The following PCDHGA6 variants were observed in gnomAD, a reference collection of about 807,000 sequenced individuals.
PCDHGA6 encodes the protein protocadherin gamma subfamily A, 6.
Under a neutral mutation model 60.6 loss-of-function variants are expected in PCDHGA6, and 41 were observed. That is an observed-to-expected ratio of 0.68 (90% CI 0.53 to 0.88). The LOEUF (loss-of-function observed/expected upper bound fraction) is 0.88. Ranked by LOEUF, PCDHGA6 falls within the 40% of genes least tolerant of loss-of-function variation. The pLI is 0.00. For missense variants in PCDHGA6, 1,312 were observed against 1,203.0 expected, an observed-to-expected ratio of 1.09 and a Z score of -1.34; for synonymous variants, 594 against 524.4, an observed-to-expected ratio of 1.13 and a Z score of -1.81.
At chr5:141,482,606 T>G (rs2099569173) in intron 1 of PCDHGA6, among the ~76,000 whole-genome samples, 1 of 146,712 alleles carries the variant, frequency 6.8e-6, no homozygotes, top group African/African-American at 2.6e-5. Context: ...AAAAAACACC[T>G]AAATGAGCCT....
chr5:141,507,632 G>A (rs551849213), intron 3 of PCDHGA6, among the ~76,000 whole-genome samples: 6 of 152,360 alleles, frequency 3.9e-5, no homozygotes, highest in Non-Finnish European at 7.3e-5. Flanking sequence ...GTGGCCTTGC[G>A]CCCTGAGGCC....
chr5:141,443,650 CA>C (rs2098397782), intron 1 of PCDHGA6, among the ~76,000 whole-genome samples: 1 of 152,150 alleles, frequency 6.6e-6, no homozygotes. Flanking sequence ...ATAATGTTAG[CA>C]TAGCATTTTA....
chr5:141,449,497 G>A (rs903338878), intron 1 of PCDHGA6, among the ~76,000 whole-genome samples: 4 of 149,856 alleles, frequency 2.7e-5, no homozygotes, highest in African/African-American at 9.9e-5. Flanking sequence ...GGTGAGGCAT[G>A]AGAAATGCTT....
chr5:141,485,172 CA>C lies in PCDHGA6; in HGVS notation c.2425-9633del. 6.2e-7 allele frequency: 1 copy of C among 1,610,166 alleles called. No individual in the cohort carries two copies. Among genetic ancestry groups the C allele is most frequent in the Non-Finnish European group, 8.5e-7 (1 of 1,176,940 alleles). On this transcript the variant is annotated intron_variant, in intron 1 of 3. Coordinates refer to ENST00000517434, the MANE Select transcript of PCDHGA6 (RefSeq NM_018919.3). The surrounding 1 kb of genome is among the most constrained non-coding windows in gnomAD (Gnocchi z 5.7). ...CAAGTAGAGAATTAGCGGGCGGCAG[CA>C]ATGCTCCGCAAGGTGAGAAGCTGGA...
At chr5:141,384,521 C>T (rs1255804611) in intron 1 of PCDHGA6, 3 of 1,614,122 alleles carry the variant, frequency 1.9e-6, no homozygotes, top group Non-Finnish European at 1.7e-6. Flanking sequence ...GGGGACCCGC[C>T]TCTCAGCAGC....
At chr5:141,459,845 T>C (rs914128032) in intron 1 of PCDHGA6, among the ~76,000 whole-genome samples, 1 of 152,232 alleles carries the variant, frequency 6.6e-6, no homozygotes, top group Admixed American at 6.5e-5. Flanking sequence ...TCTATTTGTA[T>C]ATCTTCTTGA....
At chr5:141,454,000 T>C (rs1048921374) in intron 1 of PCDHGA6, among the ~76,000 whole-genome samples, 2 of 152,214 alleles carry the variant, frequency 1.3e-5, no homozygotes, top group African/African-American at 4.8e-5. Flanking sequence ...TAAACCCACA[T>C]AACATTTTAG....
intron 1 of PCDHGA6, chr5:141,384,753 G>C (rs114533608): frequency 0.027 from 43,359 of 1,614,006 alleles, 841 homozygotes; most frequent in African/African-American, 0.094. Context: ...GACTCTTTGC[G>C]GTTGGGCTGT....
intron 1 of PCDHGA6, chr5:141,394,550 C>T (rs1389907024): frequency 9.3e-6 from 15 of 1,614,014 alleles, no homozygotes; most frequent in South Asian, 7.7e-5. Flanking sequence ...AGCTGGCGCC[C>T]CGCTCCGCAG....
At position 141,432,432 on chromosome 5, in the gene PCDHGA6, A is replaced by G. The variant is rs1431760497; in HGVS notation, c.2424+55925A>G. On this transcript the variant is annotated intron_variant, in intron 1 of 3. Transcript: ENST00000517434. This position sits in a 1 kb window ranked among gnomAD's most constrained non-coding sequence, Gnocchi z 6.0. ...CTGTTCGTGCTGGACCAGAACGACA[A>G]TGCGCCCGAGATCCTGTACCCCGCC... The G allele has an allele frequency of 2.5e-6, 4 of 1,614,156 alleles. No homozygotes were observed. Among genetic ancestry groups the G allele is most frequent in the Non-Finnish European group, 3.4e-6 (4 of 1,180,028 alleles).
chr5:141,442,870 T>A (rs942975420), intron 1 of PCDHGA6, among the ~76,000 whole-genome samples: 1 of 152,192 alleles, frequency 6.6e-6, no homozygotes, highest in African/African-American at 2.4e-5. Flanking sequence ...AGATGTAAAT[T>A]TACAACTCAG....
chr5:141,478,244 T>C lies in PCDHGA6; in HGVS notation c.2425-16563T>C, dbSNP rs758993366. ...TTCTGTGGGGTTTGTGGTCACAGTG[T>C]TCGGAGTAATCATATTCAAAGTTTA... On this transcript the variant is annotated intron_variant, in intron 1 of 3. Coordinates refer to ENST00000517434, the MANE Select transcript of PCDHGA6 (RefSeq NM_018919.3). 5 of 1,614,132 alleles carry C rather than the reference T, an allele frequency of 3.1e-6. No individual in the cohort carries two copies. In the South Asian group the frequency reaches 4.4e-5, roughly 14 times the overall value.
At chr5:141,394,950 G>C in intron 1 of PCDHGA6, 1 of 1,613,848 alleles carries the variant, frequency 6.2e-7, no homozygotes, top group Non-Finnish European at 8.5e-7. Context: ...TGTGCTTCTG[G>C]GGCTCAGGCT....
At chr5:141,419,392 C>A (rs1338481275) in intron 1 of PCDHGA6, 1 of 1,613,612 alleles carries the variant, frequency 6.2e-7, no homozygotes, top group Non-Finnish European at 8.5e-7. Flanking sequence ...GCGCGCAGAG[C>A]GGGGTGGTGT....
At chr5:141,427,818 G>A (rs1356936077) in intron 1 of PCDHGA6, 3 of 1,530,644 alleles carry the variant, frequency 2.0e-6, no homozygotes, top group Non-Finnish European at 2.7e-6. Context: ...GAGCGGGGTG[G>A]TGGTCGCGCA....
intron 1 of PCDHGA6, among the ~76,000 whole-genome samples, chr5:141,426,115 G>A (rs574477590): frequency 4.6e-5 from 7 of 152,364 alleles, no homozygotes; most frequent in South Asian, 2.1e-4. Flanking sequence ...GAAGCAAGTC[G>A]GAGAGTGGCC....
At chr5:141,479,206 T>C (rs987807222) in intron 1 of PCDHGA6, 3 of 152,400 alleles carry the variant, frequency 2.0e-5, no homozygotes, top group African/African-American at 7.2e-5. Context: ...CAGAAAAGTA[T>C]TTAAAAAATT....
chr5:141,383,584 C>T, intron 1 of PCDHGA6: 2 of 1,613,678 alleles, frequency 1.2e-6, no homozygotes, highest in Non-Finnish European at 1.7e-6. Flanking sequence ...CGCCCACATC[C>T]AGGTGACAGT....
intron 2 of PCDHGA6, among the ~76,000 whole-genome samples, chr5:141,501,719 T>C (rs1024307894): frequency 6.6e-6 from 1 of 152,028 alleles, no homozygotes; most frequent in African/African-American, 2.4e-5. Context: ...AAAAGACAAA[T>C]ATATTACCCA....
Sources: gnomAD v4.1 joint callset for allele counts (sites outside exome capture counted in the v4.1 genomes callset) on GRCh38, gnomAD v4.1.1 for gene constraint, Gnocchi (gnomAD v3.1) non-coding constraint, MANE v1.5 for transcripts, NCBI Gene and HGNC (gene_info 2026-07-23, HGNC 2026-07-21) for gene names.